Variants in LRRC7 observed in about 807,000 individuals in gnomAD.
The protein encoded by LRRC7 is leucine rich repeat containing 7.
LRRC7 carries 23 observed loss-of-function variants against 175.7 expected under a neutral mutation model. The ratio of observed to expected loss-of-function variants is 0.13; its 90% confidence interval spans 0.09 to 0.19. LRRC7 has a LOEUF of 0.19. LRRC7 is among the 10% of genes least tolerant of loss of function. The pLI is 1.00. For missense variants in LRRC7, 1,354 were observed against 1,904.7 expected (o/e 0.71, Z 5.38); for synonymous variants, 685 against 680.9 (o/e 1.01, Z -0.09).
chr1:69,932,633 T>G (rs566837199), intron 8 of LRRC7, among the ~76,000 whole-genome samples: 9 of 152,364 alleles, frequency 5.9e-5, no homozygotes, highest in African/African-American at 1.9e-4. Context: ...CTGAGTTTTA[T>G]TCTTCTGTGA....
At chr1:70,025,372 C>T (rs1005409855) in intron 17 of LRRC7, among the ~76,000 whole-genome samples, 12 of 151,522 alleles carry the variant, frequency 7.9e-5, no homozygotes, top group African/African-American at 2.7e-4. Flanking sequence ...GTGACTGGAA[C>T]ATGGGAGATA....
At chr1:69,618,027 G>A (rs1444385432) in intron 1 of LRRC7, among the ~76,000 whole-genome samples, 4 of 152,100 alleles carry the variant, frequency 2.6e-5, no homozygotes, top group Non-Finnish European at 5.9e-5. Flanking sequence ...TATGAAATCT[G>A]ACTAGACAAA....
intron 7 of LRRC7, among the ~76,000 whole-genome samples, chr1:69,853,142 T>A (rs940372727): frequency 3.9e-5 from 6 of 152,108 alleles, no homozygotes; most frequent in Admixed American, 2.6e-4. Flanking sequence ...ATAAATACTA[T>A]GTTCGAATGA....
chr1:70,100,173 C>G (rs1395525852), intron 25 of LRRC7, among the ~76,000 whole-genome samples: 1 of 152,050 alleles, frequency 6.6e-6, no homozygotes, highest in South Asian at 2.1e-4. Context: ...CAAAACCAAA[C>G]ACAATTTTAG....
chr1:70,068,746 T>G (rs1008788904), intron 23 of LRRC7, among the ~76,000 whole-genome samples: 2 of 152,160 alleles, frequency 1.3e-5, no homozygotes, highest in Non-Finnish European at 2.9e-5. Context: ...TGAAACAGTC[T>G]CATTCTGTTG....
chr1:69,568,849 T>G (rs1435607583), intron 1 of LRRC7, among the ~76,000 whole-genome samples: 3 of 152,088 alleles, frequency 2.0e-5, no homozygotes, highest in Non-Finnish European at 2.9e-5. Flanking sequence ...GGAAATGGGG[T>G]GCTAACTGGG....
intron 5 of LRRC7, among the ~76,000 whole-genome samples, chr1:69,831,634 C>CT (rs1205882509): frequency 6.6e-6 from 1 of 152,080 alleles, no homozygotes; most frequent in African/African-American, 2.4e-5. Context: ...ACTTGCCTCC[C>CT]TTCTCTTTCT....
chr1:70,070,632 T>C (rs1409060448), intron 23 of LRRC7, among the ~76,000 whole-genome samples: 2 of 152,170 alleles, frequency 1.3e-5, no homozygotes, highest in Admixed American at 6.5e-5. Flanking sequence ...TGCATTGTTA[T>C]GGCCAGGTAA....
intron 1 of LRRC7, among the ~76,000 whole-genome samples, chr1:69,579,194 A>T (rs930209438): frequency 1.3e-5 from 2 of 152,088 alleles, no homozygotes; most frequent in Non-Finnish European, 2.9e-5. Context: ...AAAGGGAGGT[A>T]ACAAAAAAAC....
At chr1:69,806,330 G>T (rs918184025) in intron 4 of LRRC7, among the ~76,000 whole-genome samples, 9 of 151,948 alleles carry the variant, frequency 5.9e-5, no homozygotes, top group Non-Finnish European at 1.2e-4. Context: ...AAGAGGAATT[G>T]AAGTGTCACT....
chr1:69,800,940 T>A (rs901408324), intron 4 of LRRC7, among the ~76,000 whole-genome samples: 5 of 151,932 alleles, frequency 3.3e-5, no homozygotes, highest in Non-Finnish European at 5.9e-5. Context: ...GTTTCTATCA[T>A]GAAGGGATAC....
chr1:69,833,205 C>T (rs1029227402), intron 5 of LRRC7, among the ~76,000 whole-genome samples: 2 of 152,052 alleles, frequency 1.3e-5, no homozygotes, highest in Non-Finnish European at 2.9e-5. Flanking sequence ...CAATCAGTCA[C>T]GTCAAAATGG....
rs180737018 is a variant in LRRC7, at chr1:69,904,890, T to C, written c.648-26617T>C. ...TTCTTGTCCATATATACTCAGTATT[T>C]AGCTCCCACTTATAACTGAGAATAT... On this transcript the variant is annotated intron_variant, in intron 7 of 26. Transcript: ENST00000651989. 7.2e-5 allele frequency among the ~76,000 whole-genome samples: 11 copies of C among 152,272 alleles called. No individual in the cohort carries two copies. In the East Asian group the frequency reaches 9.7e-4, roughly 13 times the overall value.
intron 25 of LRRC7, among the ~76,000 whole-genome samples, chr1:70,090,691 A>T (rs959060271): frequency 6.6e-6 from 1 of 152,066 alleles, no homozygotes; most frequent in Non-Finnish European, 1.5e-5. Context: ...GAAGGAAAAA[A>T]ATTAAATATG....
chr1:69,709,945 T>C (rs572006001), intron 2 of LRRC7, among the ~76,000 whole-genome samples: 24 of 152,160 alleles, frequency 1.6e-4, no homozygotes, highest in African/African-American at 5.5e-4. Context: ...AAGCAAGACT[T>C]TTTAAGTTTC....
intron 4 of LRRC7, among the ~76,000 whole-genome samples, chr1:69,802,869 CA>C (rs2101103220): frequency 6.6e-6 from 1 of 151,440 alleles, no homozygotes; most frequent in Admixed American, 6.6e-5. Context: ...ACTCTAATAT[CA>C]CAAAGATATT....
intron 2 of LRRC7, among the ~76,000 whole-genome samples, chr1:69,733,985 G>A (rs1295624044): frequency 6.6e-6 from 1 of 151,982 alleles, no homozygotes; most frequent in Non-Finnish European, 1.5e-5. Context: ...GAGTTGATGA[G>A]GTGGTTCTTT....
At chr1:69,596,259 G>A (rs1618786) in intron 1 of LRRC7, among the ~76,000 whole-genome samples, 19,743 of 152,114 alleles carry the variant, frequency 0.13, 1,630 homozygotes, top group South Asian at 0.19. Flanking sequence ...TTAAAAATCC[G>A]GAGAGGTTAG....
intron 23 of LRRC7, among the ~76,000 whole-genome samples, chr1:70,065,701 C>T: frequency 6.6e-6 from 1 of 151,920 alleles, no homozygotes; most frequent in South Asian, 2.1e-4. Flanking sequence ...AGATGAATCA[C>T]AGCAACCTAA....
Sources: gnomAD v4.1 joint callset for allele counts (sites outside exome capture counted in the v4.1 genomes callset) on GRCh38, gnomAD v4.1.1 for gene constraint, MANE v1.5 for transcripts, NCBI Gene and HGNC (gene_info 2026-07-23, HGNC 2026-07-21) for gene names.